Variants in FERMT1 observed in about 807,000 individuals in gnomAD.
The protein encoded by FERMT1 is FERM domain containing kindlin 1.
In FERMT1, 60 loss-of-function variants were observed where a neutral mutation model predicts 85.3. The observed-to-expected ratio is 0.70, with a 90% CI of 0.57 to 0.87. The LOEUF is 0.87. Among genes scored for constraint, FERMT1 ranks in the 40% least tolerant of loss-of-function variants. The probability of loss-of-function intolerance (pLI) is 0.00; values close to 1 mark genes in which losing one functional copy is unlikely to be tolerated. For missense variants in FERMT1, 701 were observed against 818.9 expected (o/e 0.86, Z 1.76); for synonymous variants, 275 against 301.1 (o/e 0.91, Z 0.90).
intron 13 of FERMT1, 146 bp from the exon 14 acceptor site, chr20:6,079,723 G>T: frequency 1.2e-6 from 1 of 803,876 alleles, no homozygotes; most frequent in Non-Finnish European, 2.0e-6. Flanking sequence ...TCTGCAGGGG[G>T]GCATTTTTAT....
At chr20:6,120,711 C>T (rs1983249219) in intron 1 of FERMT1, among the ~76,000 whole-genome samples, 1 of 152,158 alleles carries the variant, frequency 6.6e-6, no homozygotes, top group Non-Finnish European at 1.5e-5. Flanking sequence ...AACATCAATG[C>T]ACTCAAACTC....
chr20:6,106,151 T>A (rs1036654373), intron 6 of FERMT1, among the ~76,000 whole-genome samples: 1 of 152,190 alleles, frequency 6.6e-6, no homozygotes, highest in Non-Finnish European at 1.5e-5. Flanking sequence ...CAGTAATTTC[T>A]CCTGGAGATT....
chr20:6,106,015 CA>C (rs988124193), intron 6 of FERMT1, among the ~76,000 whole-genome samples: 15 of 151,758 alleles, frequency 9.9e-5, no homozygotes, highest in African/African-American at 3.6e-4. Context: ...TATAAAATCA[CA>C]AAAAAGTATG....
At chr20:6,087,513 A>G (rs1277554508) in intron 11 of FERMT1, 1 of 411,280 alleles carries the variant, frequency 2.4e-6, no homozygotes, top group Non-Finnish European at 4.6e-6. Context: ...GTTTCACCAT[A>G]TTGGCCAGAC....
intron 5 of FERMT1, among the ~76,000 whole-genome samples, chr20:6,107,998 T>C (rs1982845546): frequency 6.6e-6 from 1 of 152,174 alleles, no homozygotes; most frequent in African/African-American, 2.4e-5. Flanking sequence ...CACGAGTAGC[T>C]GGGGCTACAG....
At chr20:6,084,198 T>G in intron 12 of FERMT1, 34 bp from the exon 13 acceptor site, 1 of 1,588,498 alleles carries the variant, frequency 6.3e-7, no homozygotes, top group Middle Eastern at 1.9e-4. Context: ...TCTCTTCACA[T>G]GCACCGGCTG....
At position 6,115,935 on chromosome 20, in the gene FERMT1, C is replaced by A; in HGVS notation, c.261G>T (p.Lys87Asn). ...TTTTATGCTGAGGGGTGAAGAGAAG[C>A]TTTGCATCTGCCTGGACCCCATATT... ...LDKYGVQADAKLLFTPQHKML... is the reference protein window; with the variant it reads ...LDKYGVQADANLLFTPQHKML... The change falls in exon 3 of 15, where the codon AAG becomes AAT. Residue 87 changes from lysine (K) to asparagine (N), a missense_variant. Lys to Asn is a moderately conservative substitution (Grantham distance 94, BLOSUM62 0). Transcript: ENST00000217289. The A allele has an allele frequency of 6.2e-7, 1 of 1,614,194 alleles. No individual in the cohort carries two copies. The highest frequency in any genetic ancestry group is 8.5e-7 in the Non-Finnish European group (1 of 1,180,040).
intron 13 of FERMT1, 67 bp downstream of exon 13, chr20:6,083,973 T>G: frequency 6.3e-7 from 1 of 1,583,130 alleles, no homozygotes; most frequent in Non-Finnish European, 8.7e-7. Context: ...ATGAGAAAAC[T>G]GGGGCTCCCC....
Position 6,079,431 on chromosome 20 carries a change from T to C in FERMT1, c.1860+5A>G. The C allele has an allele frequency of 1.2e-6, 2 of 1,614,168 alleles. No individual in the cohort carries two copies. Among genetic ancestry groups the C allele is most frequent in the Middle Eastern group, 1.6e-4 (1 of 6,062 alleles). ...AACACTGAAGAGCAAAAACTTTCAC[T>C]TTACCTGCCGGGTTTCCCAGTTTAC... On this transcript the variant is annotated splice_donor_5th_base_variant and intron_variant, in intron 14 of 14. Transcript: ENST00000217289.
intron 9 of FERMT1, among the ~76,000 whole-genome samples, chr20:6,093,199 A>C (rs1467461051): frequency 6.6e-6 from 1 of 152,160 alleles, no homozygotes; most frequent in Non-Finnish European, 1.5e-5. Context: ...GTCCCACCTT[A>C]CCAGGAATAG....
intron 5 of FERMT1, 62 bp from the exon 6 acceptor site, chr20:6,107,696 A>G (rs930277528): frequency 5.0e-6 from 4 of 806,854 alleles, no homozygotes; most frequent in Non-Finnish European, 8.5e-6. Flanking sequence ...CCATTATATT[A>G]TTATGTCATA....
intron 5 of FERMT1, among the ~76,000 whole-genome samples, chr20:6,109,558 G>T (rs1982887802): frequency 1.3e-5 from 2 of 152,210 alleles, no homozygotes; most frequent in Non-Finnish European, 2.9e-5. Flanking sequence ...TATTTTCTGA[G>T]ACCATTTCAA....
Position 6,115,848 on chromosome 20 carries a change from C to T in FERMT1, c.348G>A (p.Val116=). Residue 116 remains valine (V), a synonymous_variant, in exon 3 of 15, where the codon GTG becomes GTA. Coordinates refer to ENST00000217289, the MANE Select transcript of FERMT1 (RefSeq NM_017671.5). Reference sequence around the variant, plus strand: ...AGATATCACTGACAGCTTTAAAAACCACAGCTGAGAAGCTGACTCGCAACC... The same window carrying T: ...AGATATCACTGACAGCTTTAAAAACTACAGCTGAGAAGCTGACTCGCAACC... ...MVRLRVSFSA[V]VFKAVSDICK... is the part of the protein sequence containing the mutation. 1 of 1,614,158 alleles carries T rather than the reference C, an allele frequency of 6.2e-7. No homozygotes were observed. Among genetic ancestry groups the T allele is most frequent in the Non-Finnish European group, 8.5e-7 (1 of 1,180,038 alleles).
intron 11 of FERMT1, 45 bp from the exon 12 acceptor site, chr20:6,085,332 C>G (rs45563238): frequency 3.2e-4 from 499 of 1,553,158 alleles, no homozygotes; most frequent in Non-Finnish European, 4.2e-4. Flanking sequence ...GTGCAAAGCC[C>G]CCTGCTGCAC....
chr20:6,094,273 T>G (rs1050261722), intron 9 of FERMT1: 1 of 152,256 alleles, frequency 6.6e-6, no homozygotes, highest in Non-Finnish European at 1.5e-5. Flanking sequence ...CTTGTTTCTT[T>G]CAACCTAACA....
intron 14 of FERMT1, 150 bp from the exon 15 acceptor site, chr20:6,077,496 A>T (rs1462753296): frequency 1.3e-6 from 1 of 748,900 alleles, no homozygotes; most frequent in Non-Finnish European, 2.2e-6. Flanking sequence ...CATCACTTCC[A>T]TTAAACGCTT....
rs1308750004 is a variant in FERMT1, at chr20:6,107,651, T to G, written c.747-17A>C. 1 of 1,479,538 alleles carries G rather than the reference T, an allele frequency of 6.8e-7. No homozygotes were observed. Among genetic ancestry groups the G allele is most frequent in the Admixed American group, 1.7e-5 (1 of 59,728 alleles). The allele number at this position is 1,479,538 out of a possible 1,614,324, so 91.7% of individuals were successfully genotyped here. A position where few individuals can be genotyped will look rare whatever the true frequency, so the allele number is the denominator to read the frequency against. On this transcript the variant is annotated splice_polypyrimidine_tract_variant and intron_variant, in intron 5 of 14. Transcript: ENST00000217289. ...TCTAGCCAACTAGAAAATGACAGCA[T>G]GAGTTTTAGAAGCCAGTCAATTTTA...
chr20:6,083,889 G>T, intron 13 of FERMT1, 151 bp downstream of exon 13: 2 of 856,862 alleles, frequency 2.3e-6, no homozygotes, highest in Non-Finnish European at 3.7e-6. Context: ...ATGTTTATGA[G>T]CAGCCCAAAG....
chr20:6,090,320 G>A (rs961350566), intron 9 of FERMT1, among the ~76,000 whole-genome samples: 7 of 152,196 alleles, frequency 4.6e-5, no homozygotes, highest in African/African-American at 1.2e-4. Flanking sequence ...TGATCTGCCC[G>A]CCTCGGCCTC....
Sources: allele counts gnomAD v4.1 joint callset (sites outside exome capture counted in the v4.1 genomes callset), GRCh38; gene constraint gnomAD v4.1.1; transcripts MANE v1.5; gene names NCBI Gene and HGNC (gene_info 2026-07-23, HGNC 2026-07-21).